Variants in ELF2 observed in about 807,000 individuals in gnomAD.
The protein encoded by ELF2 is ETS-related transcription factor Elf-2.
In ELF2, 11 loss-of-function variants were observed where a neutral mutation model predicts 54.8. The observed-to-expected ratio is 0.20, with a 90% CI of 0.13 to 0.33. The LOEUF is 0.33. ELF2 is among the 10% of genes least tolerant of loss of function. ELF2 has a pLI of 1.00. For missense variants in ELF2, 513 were observed against 703.0 expected (o/e 0.73, Z 3.06); for synonymous variants, 203 against 245.1 (o/e 0.83, Z 1.61).
intron 4 of ELF2, among the ~76,000 whole-genome samples, chr4:139,109,809 A>T (rs988572744): frequency 1.3e-5 from 2 of 152,152 alleles, no homozygotes; most frequent in African/African-American, 2.4e-5. Context: ...GTCACTGGGG[A>T]TTCCAAAAGG....
chr4:139,110,184 CACAATA>C (rs1316356070), intron 4 of ELF2, among the ~76,000 whole-genome samples: 2 of 152,086 alleles, frequency 1.3e-5, no homozygotes, highest in East Asian at 3.8e-4. Context: ...ACTACCTAAT[CACAATA>C]ACAAGATTAA....
At chr4:139,124,164 C>T (rs1436125911) in intron 4 of ELF2, among the ~76,000 whole-genome samples, 4 of 152,136 alleles carry the variant, frequency 2.6e-5, no homozygotes, top group African/African-American at 9.7e-5. Flanking sequence ...AGATGCACAC[C>T]ACCACACCCA....
intron 1 of ELF2, among the ~76,000 whole-genome samples, chr4:139,154,414 A>T (rs1426562187): frequency 6.8e-6 from 1 of 145,988 alleles, no homozygotes; most frequent in Non-Finnish European, 1.5e-5. Flanking sequence ...TTGATCTGTT[A>T]TTATCTTTTT....
chr4:139,128,302 T>C (rs1019116437), intron 3 of ELF2, among the ~76,000 whole-genome samples: 1 of 151,856 alleles, frequency 6.6e-6, no homozygotes, highest in Non-Finnish European at 1.5e-5. Flanking sequence ...AATATTAAAC[T>C]CTCATTTCTT....
At chr4:139,158,372 A>AT (rs962657919) in intron 1 of ELF2, among the ~76,000 whole-genome samples, 1 of 152,216 alleles carries the variant, frequency 6.6e-6, no homozygotes, top group Non-Finnish European at 1.5e-5. Flanking sequence ...GAGGCCTGAC[A>AT]TTCCTGTCTT....
chr4:139,176,782 C>T (rs919662852), intron 1 of ELF2, among the ~76,000 whole-genome samples, 185 bp downstream of exon 1: 3 of 152,076 alleles, frequency 2.0e-5, no homozygotes, highest in Non-Finnish European at 4.4e-5. Context: ...ACTCAGCCCC[C>T]TTCCCCCAGC....
At chr4:139,154,773 T>A (rs537218582) in intron 1 of ELF2, among the ~76,000 whole-genome samples, 28 of 152,302 alleles carry the variant, frequency 1.8e-4, no homozygotes, top group African/African-American at 4.8e-4. Flanking sequence ...CACATGTGAC[T>A]TTTCCTCTGA....
chr4:139,080,820 A>C (rs1023945935), intron 4 of ELF2, among the ~76,000 whole-genome samples: 2 of 152,086 alleles, frequency 1.3e-5, no homozygotes, highest in African/African-American at 4.8e-5. Flanking sequence ...AGACTTAAAC[A>C]TATAAAGAGC....
rs547339570 is a variant in ELF2 at position 139,098,514 on chromosome 4, G to A, written c.239-24947C>T. Among the ~76,000 whole-genome samples the A allele has an allele frequency of 4.0e-5, 6 of 150,774 alleles. No individual in the cohort carries two copies. The South Asian group carries it at 1.3e-3, about 32-fold the overall frequency. On this transcript the variant is annotated intron_variant, in intron 4 of 9. Transcript: ENST00000686138. ...GACAGAGCTTCACTCTGTCACCCAG[G>A]CTGGAGTGCAGTGGCACGATCTCGG...
chr4:139,095,729 C>T (rs915008442), intron 4 of ELF2, among the ~76,000 whole-genome samples: 7 of 152,050 alleles, frequency 4.6e-5, no homozygotes, highest in Admixed American at 1.3e-4. Context: ...ATTTCATTTG[C>T]TATTCTTTAT....
At chr4:139,106,567 G>A (rs1255066856) in intron 4 of ELF2, among the ~76,000 whole-genome samples, 1 of 151,030 alleles carries the variant, frequency 6.6e-6, no homozygotes, top group Non-Finnish European at 1.5e-5. Flanking sequence ...ATCATATTAC[G>A]GTTTTTTTTT....
At chr4:139,153,119 T>C (rs1740182026) in intron 1 of ELF2, among the ~76,000 whole-genome samples, 1 of 152,082 alleles carries the variant, frequency 6.6e-6, no homozygotes, top group Non-Finnish European at 1.5e-5. Flanking sequence ...CAATACTCTA[T>C]ATACTATGAA....
intron 4 of ELF2, 46 bp downstream of exon 4, chr4:139,125,118 C>G: frequency 6.4e-7 from 1 of 1,570,872 alleles, no homozygotes. Flanking sequence ...TTGAAGCTTA[C>G]AAAATGAGAA....
chr4:139,134,932 A>C (rs983552619), intron 3 of ELF2, among the ~76,000 whole-genome samples: 1 of 151,954 alleles, frequency 6.6e-6, no homozygotes, highest in African/African-American at 2.4e-5. Context: ...TACATTTTAT[A>C]TATTTATTAC....
chr4:139,087,893 T>C (rs950450574), intron 4 of ELF2, among the ~76,000 whole-genome samples: 5 of 152,200 alleles, frequency 3.3e-5, no homozygotes, highest in African/African-American at 1.2e-4. Flanking sequence ...TTTATTATCA[T>C]CAAAGAATAT....
intron 4 of ELF2, among the ~76,000 whole-genome samples, chr4:139,122,848 A>T (rs998025995): frequency 3.3e-5 from 5 of 151,918 alleles, no homozygotes; most frequent in African/African-American, 1.2e-4. Flanking sequence ...TGACTTGAAA[A>T]CTAATCTATG....
At chr4:139,159,470 A>G (rs1300132883) in intron 1 of ELF2, among the ~76,000 whole-genome samples, 2 of 152,156 alleles carry the variant, frequency 1.3e-5, no homozygotes, top group Admixed American at 6.5e-5. Flanking sequence ...TGAAGTTTCA[A>G]TGGAGGAGTA....
chr4:139,063,100 A>G (rs28709175), intron 7 of ELF2, among the ~76,000 whole-genome samples: 173 of 152,240 alleles, frequency 1.1e-3, no homozygotes, highest in African/African-American at 4.1e-3. Flanking sequence ...TCTACTAAAA[A>G]TATAAAATTT....
At chr4:139,159,405 G>T (rs1740873227) in intron 1 of ELF2, among the ~76,000 whole-genome samples, 1 of 152,232 alleles carries the variant, frequency 6.6e-6, no homozygotes, top group Non-Finnish European at 1.5e-5. Flanking sequence ...TGTGAGGCTG[G>T]AAGGAGATCC....
Sources: gnomAD v4.1 joint callset for allele counts (sites outside exome capture counted in the v4.1 genomes callset) on GRCh38, gnomAD v4.1.1 for gene constraint, MANE v1.5 for transcripts, NCBI Gene and HGNC (gene_info 2026-07-23, HGNC 2026-07-21) for gene names.